OSBPL3: variants seen among roughly 807,000 people sequenced by gnomAD.
OSBPL3 encodes the protein oxysterol binding protein like 3.
OSBPL3 carries 65 observed loss-of-function variants against 120.1 expected under a neutral mutation model. The observed-to-expected ratio is 0.54, with a 90% CI of 0.44 to 0.67. OSBPL3 has a LOEUF of 0.67. OSBPL3 is among the 30% of genes least tolerant of loss of function. The pLI is 0.00. For missense variants in OSBPL3, 1,004 were observed against 1,082.1 expected (o/e 0.93, Z 1.01); for synonymous variants, 416 against 402.6 (o/e 1.03, Z -0.40).
chr7:24,844,088 T>C (rs1798108091), intron 12 of OSBPL3, among the ~76,000 whole-genome samples: 2 of 152,238 alleles, frequency 1.3e-5, no homozygotes, highest in Admixed American at 6.5e-5. Flanking sequence ...CATCTTCTTA[T>C]ATGTACTGTA....
At chr7:24,981,708 A>G (rs1463952795), upstream of OSBPL3, 3 of 152,754 alleles carry the variant, frequency 2.0e-5, no homozygotes, top group South Asian at 6.2e-4. The surrounding 1 kb of genome is among the most constrained non-coding windows in gnomAD (Gnocchi z 7.3). Context: ...GAGCAAATCC[A>G]CTGTCATGCT....
chr7:24,871,881 G>A lies in OSBPL3; in HGVS notation c.213+72C>T. ...CAAATTCCAACTAGAAATTAAATATGAGTACCTAAGAACCAGGTGCTGAGT... is the reference window on the plus strand; with the variant it reads ...CAAATTCCAACTAGAAATTAAATATAAGTACCTAAGAACCAGGTGCTGAGT... On this transcript the variant is annotated intron_variant, in intron 3 of 22. Transcript: ENST00000313367. The surrounding 1 kb of genome is among the most constrained non-coding windows in gnomAD (Gnocchi z 4.8). The A allele has an allele frequency of 6.9e-7, 1 of 1,449,524 alleles. No homozygotes were observed. Among genetic ancestry groups the A allele is most frequent in the East Asian group, 2.3e-5 (1 of 44,126 alleles). The allele number at this position is 1,449,524 out of a possible 1,614,324, so 89.8% of individuals were successfully genotyped here.
rs1792546599 is a variant in OSBPL3, at chr7:24,802,908, A to G, written c.2567+1407T>C. Among the ~76,000 whole-genome samples, 1 of 152,176 alleles carries G rather than the reference A, an allele frequency of 6.6e-6. No individual in the cohort carries two copies. Among genetic ancestry groups the G allele is most frequent in the Non-Finnish European group, 1.5e-5 (1 of 68,034 alleles). On this transcript the variant is annotated intron_variant, in intron 22 of 22. Transcript: ENST00000313367. The surrounding 1 kb of genome is among the most constrained non-coding windows in gnomAD (Gnocchi z 4.1). ...AAAAAGAATGTAACATTTCCATCTT[A>G]TTCTTTAAACGTTTAAATGAAGCTT...
intron 1 of OSBPL3, among the ~76,000 whole-genome samples, chr7:24,956,406 C>A (rs945577960): frequency 1.3e-4 from 20 of 152,196 alleles, no homozygotes; most frequent in African/African-American, 4.6e-4. Context: ...TTTTAAAAAC[C>A]AATCCTGCAT....
Position 24,871,305 on chromosome 7 carries a change from G to A in OSBPL3, c.267+437C>T, listed in dbSNP as rs931420621. Among the ~76,000 whole-genome samples the A allele has an allele frequency of 1.3e-5, 2 of 152,298 alleles. No individual in the cohort carries two copies. Among genetic ancestry groups the A allele is most frequent in the Middle Eastern group, 3.4e-3 (1 of 294 alleles). On this transcript the variant is annotated intron_variant, in intron 4 of 22. Coordinates refer to ENST00000313367, the MANE Select transcript of OSBPL3 (RefSeq NM_015550.4). The surrounding 1 kb of genome is among the most constrained non-coding windows in gnomAD (Gnocchi z 4.8). The stretch of plus-strand genomic sequence containing the variant: ...AGGGAGAAGAGTAGGACTCCTACAA[G>A]GGACAGGACAAATGGTCATTCACAC...
intron 12 of OSBPL3, among the ~76,000 whole-genome samples, chr7:24,845,699 ATT>A (rs570606304): frequency 1.3e-5 from 2 of 150,470 alleles, no homozygotes; most frequent in African/African-American, 4.9e-5. Flanking sequence ...TCCTTTTGCA[ATT>A]TTTTTCTATT....
chr7:24,882,158 A>G (rs1004219998), intron 2 of OSBPL3, among the ~76,000 whole-genome samples: 1 of 152,106 alleles, frequency 6.6e-6, no homozygotes, highest in Non-Finnish European at 1.5e-5. Flanking sequence ...CAATTTTCTT[A>G]CATACACAGT....
chr7:24,842,445 AT>A (rs761651362), intron 12 of OSBPL3, 32 bp from the exon 13 acceptor site: 1 of 1,489,020 alleles, frequency 6.7e-7, no homozygotes, highest in Admixed American at 2.0e-5. Context: ...AAATGTATAC[AT>A]TTAAAAACAT....
Position 24,898,606 on chromosome 7 carries a change from A to G in OSBPL3, c.-149-5985T>C, listed in dbSNP as rs886491771. On this transcript the variant is annotated intron_variant, in intron 1 of 22. Transcript: ENST00000313367. The surrounding 1 kb of genome is among the most constrained non-coding windows in gnomAD (Gnocchi z 4.3). ...GGGACATCAGATTGCTCAGAGCCCAATCCAGCAACAGAAATGCACCTGGTG... is the reference window on the plus strand; with the variant it reads ...GGGACATCAGATTGCTCAGAGCCCAGTCCAGCAACAGAAATGCACCTGGTG... Among the ~76,000 whole-genome samples the G allele has an allele frequency of 2.0e-5, 3 of 152,198 alleles. No homozygotes were observed. The highest frequency in any genetic ancestry group is 4.4e-5 in the Non-Finnish European group (3 of 68,028).
intron 1 of OSBPL3, among the ~76,000 whole-genome samples, chr7:24,931,993 A>G (rs1281624205): frequency 6.6e-6 from 1 of 152,124 alleles, no homozygotes; most frequent in Non-Finnish European, 1.5e-5. Flanking sequence ...CGTAAACACA[A>G]CCCCTTTGGG....
At position 24,898,933 on chromosome 7, in the gene OSBPL3, G is replaced by T. The variant is rs1461003176; in HGVS notation, c.-149-6312C>A. ...ATTCTAGACAGTTTGTCATCATTTA[G>T]AGCTGAAATAATGACTCACTATAAT... is the stretch of plus-strand genomic sequence containing the variant. On this transcript the variant is annotated intron_variant, in intron 1 of 22. Coordinates refer to ENST00000313367, the MANE Select transcript of OSBPL3 (RefSeq NM_015550.4). The surrounding 1 kb of genome is among the most constrained non-coding windows in gnomAD (Gnocchi z 4.3). Among the ~76,000 whole-genome samples the T allele has an allele frequency of 1.3e-5, 2 of 152,022 alleles. No homozygotes were observed. Among genetic ancestry groups the T allele is most frequent in the Non-Finnish European group, 2.9e-5 (2 of 68,008 alleles).
At position 24,908,603 on chromosome 7, in the gene OSBPL3, C is replaced by T. The variant is rs111866907; in HGVS notation, c.-149-15982G>A. ...TTCTAGTCACGAGAACCACGCTAACCGTGGTGAGACAGATCCAGTGATGCT... is the reference window on the plus strand; with the variant it reads ...TTCTAGTCACGAGAACCACGCTAACTGTGGTGAGACAGATCCAGTGATGCT... On this transcript the variant is annotated intron_variant, in intron 1 of 22. Transcript: ENST00000313367. 2.0e-3 allele frequency among the ~76,000 whole-genome samples: 312 copies of T among 152,284 alleles called. 1 individual carries two copies. Among genetic ancestry groups the T allele is most frequent in the African/African-American group, 7.0e-3 (290 of 41,560 alleles).
chr7:24,877,892 T>C lies in OSBPL3; in HGVS notation c.97-5823A>G, dbSNP rs1803066913. 6.6e-6 allele frequency among the ~76,000 whole-genome samples: 1 copy of C among 152,134 alleles called. No individual in the cohort carries two copies. Among genetic ancestry groups the C allele is most frequent in the Non-Finnish European group, 1.5e-5 (1 of 68,030 alleles). On this transcript the variant is annotated intron_variant, in intron 2 of 22. Coordinates refer to ENST00000313367, the MANE Select transcript of OSBPL3 (RefSeq NM_015550.4). The surrounding 1 kb of genome is among the most constrained non-coding windows in gnomAD (Gnocchi z 4.8). ...ACTTAGCCCAACACGGCTGCACTGA[T>C]GTCTCATCCTGTGGGGTGTCAAGCT... is the stretch of plus-strand genomic sequence containing the variant.
chr7:24,885,057 G>A (rs35235763), intron 2 of OSBPL3, among the ~76,000 whole-genome samples: 19,384 of 151,880 alleles, frequency 0.13, 1,868 homozygotes, highest in East Asian at 0.51. Flanking sequence ...GCCGAAGGGG[G>A]TGGATCACCT....
At chr7:24,889,439 T>C (rs1295117564) in intron 2 of OSBPL3, among the ~76,000 whole-genome samples, 1 of 152,142 alleles carries the variant, frequency 6.6e-6, no homozygotes, top group Admixed American at 6.5e-5. Context: ...AGATCTTAAA[T>C]GTTCTTACCA....
chr7:24,870,646 A>G (rs1486950782), intron 5 of OSBPL3, 86 bp downstream of exon 5: 3 of 832,952 alleles, frequency 3.6e-6, no homozygotes, highest in Admixed American at 1.8e-5. Context: ...TGTTGGCCGA[A>G]TACCCAAAAG....
chr7:24,801,243 CAAA>C (rs397976980), intron 22 of OSBPL3, among the ~76,000 whole-genome samples: 11 of 73,970 alleles, frequency 1.5e-4, no homozygotes, highest in Admixed American at 1.4e-4. Context: ...GACTCCTTCT[CAAA>C]AAAAAAAAAA....
chr7:24,857,212 T>C (rs1452233546), intron 10 of OSBPL3, among the ~76,000 whole-genome samples: 1 of 152,204 alleles, frequency 6.6e-6, no homozygotes, highest in Non-Finnish European at 1.5e-5. Flanking sequence ...AGTTTTGACT[T>C]TGTTCTATGT....
At position 24,966,542 on chromosome 7, in the gene OSBPL3, T is replaced by C. The variant is rs992970045; in HGVS notation, c.-150+13344A>G. Among the ~76,000 whole-genome samples the C allele has an allele frequency of 1.3e-5, 2 of 152,216 alleles. No individual in the cohort carries two copies. The highest frequency in any genetic ancestry group is 1.3e-4 in the Admixed American group (2 of 15,282). On this transcript the variant is annotated intron_variant, in intron 1 of 22. Coordinates refer to ENST00000313367, the MANE Select transcript of OSBPL3 (RefSeq NM_015550.4). The surrounding 1 kb of genome is among the most constrained non-coding windows in gnomAD (Gnocchi z 4.8). ...AATTACAAGTCAGAAGTATGATGCA[T>C]TGGCAGGTGTGCATGAAGAAGGCCA... is the stretch of plus-strand genomic sequence containing the variant.
Sources: gnomAD v4.1 joint callset for allele counts (sites outside exome capture counted in the v4.1 genomes callset) on GRCh38, gnomAD v4.1.1 for gene constraint, Gnocchi (gnomAD v3.1) non-coding constraint, MANE v1.5 for transcripts, NCBI Gene and HGNC (gene_info 2026-07-23, HGNC 2026-07-21) for gene names.